Variants in PPP2R2B observed in about 807,000 individuals in gnomAD.
The protein encoded by PPP2R2B is serine/threonine-protein phosphatase 2A 55 kDa regulatory subunit B beta isoform.
A neutral mutation model predicts 46.0 loss-of-function variants in PPP2R2B; 5 were observed. The observed-to-expected ratio is 0.11, with a 90% confidence interval of 0.06 to 0.23. PPP2R2B has a LOEUF of 0.23. PPP2R2B is among the 10% of genes least tolerant of loss of function. The pLI, the probability that PPP2R2B is intolerant of heterozygous loss-of-function variation, is 1.00. For missense variants in PPP2R2B, 367 were observed against 575.0 expected (o/e 0.64, Z 3.70); for synonymous variants, 215 against 206.7 (o/e 1.04, Z -0.34).
At chr5:146,734,422 T>C (rs1184838749) in intron 2 of PPP2R2B, among the ~76,000 whole-genome samples, 1 of 152,186 alleles carries the variant, frequency 6.6e-6, no homozygotes, top group Non-Finnish European at 1.5e-5. Flanking sequence ...TTCTCATAAC[T>C]ACCTATCTAC....
Position 146,727,096 on chromosome 5 carries a change from T to G in PPP2R2B, c.71-25954A>C, listed in dbSNP as rs550724786. On this transcript the variant is annotated intron_variant, in intron 2 of 9. Transcript: ENST00000394411. ...TGGAACTTCATTTTCTAAACTACCC[T>G]TCAGGGAATTCAAAATTGCTCAGCT... 2.0e-4 allele frequency among the ~76,000 whole-genome samples: 30 copies of G among 152,272 alleles called. 1 individual carries two copies. In the South Asian group the frequency reaches 5.8e-3, roughly 29 times the overall value.
chr5:146,864,541 A>G (rs1257549944), intron 2 of PPP2R2B, among the ~76,000 whole-genome samples: 1 of 152,134 alleles, frequency 6.6e-6, no homozygotes, highest in Non-Finnish European at 1.5e-5. Context: ...CAGTTTGAAG[A>G]AAATTAACAT....
At chr5:146,840,389 A>G (rs1759560969) in intron 2 of PPP2R2B, among the ~76,000 whole-genome samples, 1 of 152,228 alleles carries the variant, frequency 6.6e-6, no homozygotes, top group African/African-American at 2.4e-5. Flanking sequence ...AAATGAAATG[A>G]CATATCTAAA....
At chr5:146,649,638 TG>T (rs887384633) in intron 6 of PPP2R2B, among the ~76,000 whole-genome samples, 12 of 152,024 alleles carry the variant, frequency 7.9e-5, no homozygotes, top group African/African-American at 2.4e-4. Context: ...TTAGTAAAGT[TG>T]GGGCCTTGCC....
intron 7 of PPP2R2B, among the ~76,000 whole-genome samples, chr5:146,622,438 T>C (rs575129971): frequency 6.6e-6 from 1 of 152,294 alleles, no homozygotes; most frequent in Non-Finnish European, 1.5e-5. Flanking sequence ...CACCTGGGCT[T>C]GTCTGACCCC....
At chr5:146,963,716 G>A (rs1752281059) in intron 1 of PPP2R2B, among the ~76,000 whole-genome samples, 1 of 151,960 alleles carries the variant, frequency 6.6e-6, no homozygotes. Context: ...AGGTCAATTA[G>A]AGTAACTTGC....
chr5:146,837,973 TG>T (rs1316716075), intron 2 of PPP2R2B, among the ~76,000 whole-genome samples: 1 of 152,184 alleles, frequency 6.6e-6, no homozygotes, highest in African/African-American at 2.4e-5. Context: ...ATGACCTACA[TG>T]GCAGTGTCTC....
exon 1 of PPP2R2B, chr5:147,055,875 G>T: frequency 6.9e-6 from 10 of 1,459,040 alleles, no homozygotes; most frequent in Middle Eastern, 2.5e-4. Flanking sequence ...CAAAGCTGGG[G>T]TGCCCGAGGA....
rs369618912 is a variant in PPP2R2B, at chr5:146,631,437, A to G, written c.790+6814T>C. Among the ~76,000 whole-genome samples the G allele has an allele frequency of 5.3e-4, 80 of 152,246 alleles. No homozygotes were observed. The South Asian group carries it at 0.016, about 30-fold the overall frequency. ...GATTATCATTTCGCATGCTGCTTTA[A>G]CATTCATAAACATCTCTCCACTTGC... On this transcript the variant is annotated intron_variant, in intron 7 of 9. Transcript: ENST00000394411.
intron 1 of PPP2R2B, among the ~76,000 whole-genome samples, chr5:146,995,677 C>T (rs1240626378): frequency 6.6e-6 from 1 of 152,136 alleles, no homozygotes; most frequent in African/African-American, 2.4e-5. Context: ...AAATTCTATG[C>T]AGCTTCCATT....
chr5:146,906,149 A>G (rs936559099), intron 1 of PPP2R2B, among the ~76,000 whole-genome samples: 2 of 152,138 alleles, frequency 1.3e-5, no homozygotes, highest in African/African-American at 4.8e-5. Context: ...TGTAAAATAC[A>G]CAATAGACTT....
chr5:146,961,131 G>A (rs1752153935), intron 1 of PPP2R2B, among the ~76,000 whole-genome samples: 1 of 152,010 alleles, frequency 6.6e-6, no homozygotes, highest in Non-Finnish European at 1.5e-5. Context: ...ATATGTATTT[G>A]CATTATCATT....
chr5:146,829,277 T>C (rs190958036), intron 2 of PPP2R2B, among the ~76,000 whole-genome samples: 1 of 152,346 alleles, frequency 6.6e-6, no homozygotes, highest in Non-Finnish European at 1.5e-5. Flanking sequence ...AACCTATTTT[T>C]TAATCTGTGA....
intron 1 of PPP2R2B, among the ~76,000 whole-genome samples, chr5:146,945,748 T>G (rs1764459905): frequency 6.6e-6 from 1 of 152,202 alleles, no homozygotes; most frequent in Admixed American, 6.5e-5. Context: ...TGTGTGCACA[T>G]AAGTCTAATT....
At chr5:146,805,435 T>C (rs1757118473) in intron 2 of PPP2R2B, among the ~76,000 whole-genome samples, 2 of 152,180 alleles carry the variant, frequency 1.3e-5, no homozygotes, top group African/African-American at 4.8e-5. Flanking sequence ...AGCTCTTTGT[T>C]GTCTAATTGC....
chr5:146,624,637 C>T (rs1225797838), intron 7 of PPP2R2B, among the ~76,000 whole-genome samples: 2 of 152,168 alleles, frequency 1.3e-5, no homozygotes, highest in Non-Finnish European at 2.9e-5. Context: ...TATAATCAAT[C>T]ATCCTCTTTA....
intron 5 of PPP2R2B, among the ~76,000 whole-genome samples, chr5:146,686,657 G>A (rs1778519546): frequency 6.6e-6 from 1 of 152,158 alleles, no homozygotes; most frequent in African/African-American, 2.4e-5. Flanking sequence ...GTTATGACCA[G>A]TCACAGCTTG....
chr5:146,602,372 AT>A (rs1157006429), intron 7 of PPP2R2B, among the ~76,000 whole-genome samples: 4 of 152,242 alleles, frequency 2.6e-5, no homozygotes, highest in Non-Finnish European at 5.9e-5. Context: ...AGCCAGATAA[AT>A]TAACAGATTC....
intron 2 of PPP2R2B, among the ~76,000 whole-genome samples, chr5:146,771,600 C>CACT: frequency 6.6e-6 from 1 of 152,326 alleles, no homozygotes; most frequent in Non-Finnish European, 1.5e-5. Flanking sequence ...AGATGATGAG[C>CACT]TGTCTACCAA....
Sources: allele counts gnomAD v4.1 joint callset (sites outside exome capture counted in the v4.1 genomes callset), GRCh38; gene constraint gnomAD v4.1.1; transcripts MANE v1.5; gene names NCBI Gene and HGNC (gene_info 2026-07-23, HGNC 2026-07-21).